Variants in PTPRD observed in about 807,000 individuals in gnomAD.
PTPRD encodes the protein receptor-type tyrosine-protein phosphatase delta.
Under a neutral mutation model 214.5 loss-of-function variants are expected in PTPRD, and 34 were observed. The ratio of observed to expected loss-of-function variants is 0.16; its 90% CI spans 0.12 to 0.21. The LOEUF is 0.21. Ranked by LOEUF, PTPRD falls within the 10% of genes least tolerant of loss-of-function variation. PTPRD has a pLI of 1.00. For synonymous variants in PTPRD, 1,128 were observed against 845.7 expected (o/e 1.33, Z -5.79); for missense variants, 2,545 against 2,398.7 (o/e 1.06, Z -1.27).
rs577274643 is a variant in PTPRD at position 10,207,800 on chromosome 9, G to A, written c.-545+133163C>T. Among the ~76,000 whole-genome samples, 339 of 151,770 alleles carry A rather than the reference G, an allele frequency of 2.2e-3. 1 individual carries two copies. Among genetic ancestry groups the A allele is most frequent in the Non-Finnish European group, 3.1e-3 (208 of 67,914 alleles). Reference sequence around the variant, plus strand: ...AGTATAAATGTCAAAAAAAATCCTGGAAGTAGGAAACACTATTAAAAAGTG... The same window carrying A: ...AGTATAAATGTCAAAAAAAATCCTGAAAGTAGGAAACACTATTAAAAAGTG... On this transcript the variant is annotated intron_variant, in intron 3 of 45. Coordinates refer to ENST00000381196, the MANE Select transcript of PTPRD (RefSeq NM_002839.4).
intron 39 of PTPRD, among the ~76,000 whole-genome samples, chr9:8,351,461 A>C (rs149008843): frequency 1.3e-5 from 2 of 152,070 alleles, no homozygotes; most frequent in East Asian, 3.9e-4. Context: ...AAGAAGAAAT[A>C]TAAAGCAATG....
intron 3 of PTPRD, among the ~76,000 whole-genome samples, chr9:10,205,811 G>A (rs2099471884): frequency 6.6e-6 from 1 of 152,112 alleles, no homozygotes; most frequent in Non-Finnish European, 1.5e-5. Context: ...AATTTTAAAT[G>A]AAATGTGATA....
chr9:10,215,618 C>T (rs772479128), intron 3 of PTPRD, among the ~76,000 whole-genome samples: 13 of 151,896 alleles, frequency 8.6e-5, no homozygotes, highest in Admixed American at 2.6e-4. Context: ...CATGGACACA[C>T]CATATTACCC....
chr9:10,551,928 C>T (rs1566893633), intron 2 of PTPRD, among the ~76,000 whole-genome samples: 1 of 152,118 alleles, frequency 6.6e-6, no homozygotes, highest in African/African-American at 2.4e-5. Flanking sequence ...TCAAGTACTC[C>T]CTTTCTGCAC....
chr9:9,062,200 C>G (rs546511923), intron 10 of PTPRD, among the ~76,000 whole-genome samples: 1 of 152,116 alleles, frequency 6.6e-6, no homozygotes, highest in Non-Finnish European at 1.5e-5. Context: ...GTTACCAAAA[C>G]ATAAGACAAA....
chr9:8,337,782 T>A (rs1051226158), intron 43 of PTPRD, among the ~76,000 whole-genome samples: 2 of 152,128 alleles, frequency 1.3e-5, no homozygotes, highest in Admixed American at 6.6e-5. Flanking sequence ...CTGGTGCCTT[T>A]TCTTTATCAC....
At chr9:10,532,974 G>T (rs754566289) in intron 2 of PTPRD, among the ~76,000 whole-genome samples, 22 of 152,030 alleles carry the variant, frequency 1.4e-4, no homozygotes, top group Non-Finnish European at 2.6e-4. Flanking sequence ...GGGTCTAGAG[G>T]AAGGCATTTG....
intron 2 of PTPRD, among the ~76,000 whole-genome samples, chr9:10,443,181 C>A (rs2098772915): frequency 6.6e-6 from 1 of 150,656 alleles, no homozygotes; most frequent in Non-Finnish European, 1.5e-5. Flanking sequence ...AAAGTCAGTT[C>A]ACTATAAAAT....
chr9:8,331,570 AT>A lies in PTPRD; in HGVS notation c.5534+11del. On this transcript the variant is annotated intron_variant, in intron 44 of 45. Transcript: ENST00000381196. ...CCACTTATCACTGCTTTATTCACAAATGGAAACTTACCTGCAATGGACTGAA... is the reference window on the plus strand; with the variant it reads ...CCACTTATCACTGCTTTATTCACAAAGGAAACTTACCTGCAATGGACTGAA... The A allele has an allele frequency of 1.3e-6, 2 of 1,598,240 alleles. No homozygotes were observed. Among genetic ancestry groups the A allele is most frequent in the Non-Finnish European group, 1.7e-6 (2 of 1,174,170 alleles).
intron 10 of PTPRD, among the ~76,000 whole-genome samples, chr9:9,072,148 C>T (rs913896535): frequency 6.6e-6 from 1 of 152,016 alleles, no homozygotes; most frequent in Non-Finnish European, 1.5e-5. Context: ...AACTGCATAA[C>T]AACATTTTAA....
intron 3 of PTPRD, among the ~76,000 whole-genome samples, chr9:10,321,732 A>C (rs1015347152): frequency 6.6e-6 from 1 of 152,058 alleles, no homozygotes; most frequent in African/African-American, 2.4e-5. Flanking sequence ...TTTATGTTTG[A>C]AACTGCCACC....
intron 8 of PTPRD, among the ~76,000 whole-genome samples, chr9:9,466,137 C>T (rs1221087646): frequency 2.0e-5 from 3 of 151,880 alleles, no homozygotes; most frequent in Non-Finnish European, 4.4e-5. Context: ...GCAAAACCTC[C>T]TCTATATAAA....
chr9:9,254,289 A>G (rs1011021674), intron 9 of PTPRD, among the ~76,000 whole-genome samples: 5 of 151,990 alleles, frequency 3.3e-5, no homozygotes, highest in Admixed American at 2.6e-4. Flanking sequence ...AAGTAAGTCT[A>G]TATATTTTCT....
intron 11 of PTPRD, among the ~76,000 whole-genome samples, chr9:9,003,010 C>A (rs1026010598): frequency 5.9e-5 from 9 of 151,954 alleles, no homozygotes; most frequent in Non-Finnish European, 1.2e-4. Context: ...AGTATTTAAC[C>A]CAAAGAAATC....
chr9:9,868,128 C>T (rs1357012909), intron 5 of PTPRD, among the ~76,000 whole-genome samples: 2 of 152,128 alleles, frequency 1.3e-5, no homozygotes, highest in African/African-American at 4.8e-5. Context: ...GTCTATACCG[C>T]TGCTTCAGGA....
chr9:9,420,229 A>T (rs981018266), intron 8 of PTPRD, among the ~76,000 whole-genome samples: 1 of 151,840 alleles, frequency 6.6e-6, no homozygotes, highest in Non-Finnish European at 1.5e-5. Context: ...CAAAATATCA[A>T]CTAATATTCT....
In PTPRD at chr9:9,275,123, ATATAT is replaced by A. The variant is rs1486310202; in HGVS notation, c.-202-91765_-202-91761del. On this transcript the variant is annotated intron_variant, in intron 9 of 45. Coordinates refer to ENST00000381196, the MANE Select transcript of PTPRD (RefSeq NM_002839.4). Reference sequence around the variant, plus strand: ...ATATAATATATTATATATATATTATATATATTATATATAATATATATATAATATAT... The same window carrying A: ...ATATAATATATTATATATATATTATATATATATAATATATATATAATATAT... 1.0e-4 allele frequency among the ~76,000 whole-genome samples: 6 copies of A among 58,658 alleles called. 1 individual carries two copies. Among genetic ancestry groups the A allele is most frequent in the South Asian group, 4.1e-4 (1 of 2,422 alleles). The allele number at this position is 58,658 out of a possible 152,430, so 38.5% of individuals were successfully genotyped here.
intron 10 of PTPRD, among the ~76,000 whole-genome samples, chr9:9,137,704 G>A (rs1170389336): frequency 3.3e-5 from 5 of 151,998 alleles, no homozygotes; most frequent in African/African-American, 1.2e-4. Context: ...AATCATTACT[G>A]TACTCTCACA....
At chr9:9,995,909 G>A (rs2096105297) in intron 4 of PTPRD, among the ~76,000 whole-genome samples, 2 of 152,200 alleles carry the variant, frequency 1.3e-5, no homozygotes, top group South Asian at 4.2e-4. Context: ...ATCAGTGACT[G>A]GGAGCTCACT....
Sources: gnomAD v4.1 joint callset for allele counts (sites outside exome capture counted in the v4.1 genomes callset) on GRCh38, gnomAD v4.1.1 for gene constraint, MANE v1.5 for transcripts, NCBI Gene and HGNC (gene_info 2026-07-23, HGNC 2026-07-21) for gene names.